IL17D: variants seen among roughly 807,000 people sequenced by gnomAD.
IL17D encodes the protein interleukin-17D.
In IL17D, 10 loss-of-function variants were observed where a neutral mutation model predicts 5.7. The ratio of observed to expected loss-of-function variants is 1.75; its 90% CI spans 1.08 to 2.97. The LOEUF is 2.97. Ranked by LOEUF, IL17D falls within the 30% of genes most tolerant of loss-of-function variation. IL17D has a pLI of 0.00. For synonymous variants in IL17D, 172 were observed against 141.7 expected (o/e 1.21, Z -1.52); for missense variants, 354 against 292.7 (o/e 1.21, Z -1.53).
chr13:20,703,568 G>C (rs2058561133), upstream of IL17D: 1 of 314,054 alleles, frequency 3.2e-6, no homozygotes, highest in Non-Finnish European at 4.6e-6. Context: ...CGGCGGGTCC[G>C]GGCGTCTTAG....
At chr13:20,711,749 G>A (rs1185308583) in intron 1 of IL17D, among the ~76,000 whole-genome samples, 1 of 152,212 alleles carries the variant, frequency 6.6e-6, no homozygotes, top group Non-Finnish European at 1.5e-5. Context: ...AGATGACATT[G>A]GGGAAGAGGG....
In IL17D at chr13:20,721,795, C is replaced by A. The variant is rs950320096; in HGVS notation, c.450C>A (p.Ala150=). ...TCCTGCGCCGCACCCCCGCCTGCGCCGGCGGCCGTTCCGTCTACACCGAGG... is the reference window on the plus strand; with the variant it reads ...TCCTGCGCCGCACCCCCGCCTGCGCAGGCGGCCGTTCCGTCTACACCGAGG... ...TVVLRRTPAC[A]GGRSVYTEAY... is the part of the protein sequence containing the mutation. Residue 150 remains alanine (A), a synonymous_variant, in exon 2 of 2, where the codon GCC becomes GCA. Transcript: ENST00000682841. 5 of 1,609,592 alleles carry A rather than the reference C, an allele frequency of 3.1e-6. No individual in the cohort carries two copies. The African/African-American group carries it at 4.0e-5, about 13-fold the overall frequency.
At position 20,704,137 on chromosome 13, in the gene IL17D, C is replaced by T; in HGVS notation, c.136C>T (p.Leu46=). Residue 46 remains leucine (L), a synonymous_variant, in exon 1 of 2, where the codon CTG becomes TTG. Transcript: ENST00000682841. ...EELLEQLYGR[L]AAGVLSAFHH... ...GCTACTGGAGCAGCTGTACGGGCGC[C>T]TGGCGGCCGGCGTGCTCAGTGCCTT... 1 of 1,337,756 alleles carries T rather than the reference C, an allele frequency of 7.5e-7. No individual in the cohort carries two copies. Among genetic ancestry groups the T allele is most frequent in the Non-Finnish European group, 9.7e-7 (1 of 1,034,428 alleles). The allele number at this position is 1,337,756 out of a possible 1,614,324, so 82.9% of individuals were successfully genotyped here. A position where few individuals can be genotyped will look rare whatever the true frequency, so the allele number is the denominator to read the frequency against.
At chr13:20,718,944 A>C (rs1595002678) in intron 1 of IL17D, among the ~76,000 whole-genome samples, 3 of 123,510 alleles carry the variant, frequency 2.4e-5, no homozygotes, top group Non-Finnish European at 3.4e-5. Context: ...CCACGCTCAC[A>C]CCTGCCTCCA....
rs201250178 is a variant in IL17D, at chr13:20,721,014, G to A, written c.291-622G>A. On this transcript the variant is annotated intron_variant, in intron 1 of 1. Transcript: ENST00000682841. Reference sequence around the variant, plus strand: ...TGCTCTAGTCCCTCAGACACAAACGGAAGAAGAGGATCCTATGCCTTCCTG... The same window carrying A: ...TGCTCTAGTCCCTCAGACACAAACGAAAGAAGAGGATCCTATGCCTTCCTG... Among the ~76,000 whole-genome samples the A allele has an allele frequency of 1.4e-4, 22 of 152,176 alleles. No individual in the cohort carries two copies. In the East Asian group the frequency reaches 3.9e-3, roughly 27 times the overall value.
intron 1 of IL17D, chr13:20,713,487 A>G (rs2058656526): frequency 6.6e-6 from 1 of 152,206 alleles, no homozygotes; most frequent in African/African-American, 2.4e-5. Flanking sequence ...TTCACAGGGT[A>G]AAAATAAAAG....
chr13:20,715,989 C>A (rs1419870500), intron 1 of IL17D: 1 of 395,830 alleles, frequency 2.5e-6, no homozygotes, highest in Non-Finnish European at 3.4e-6. Context: ...GCTCAAGAGG[C>A]CTCCCAAAGT....
chr13:20,720,326 TC>T (rs760227540), intron 1 of IL17D, among the ~76,000 whole-genome samples: 1 of 151,882 alleles, frequency 6.6e-6, no homozygotes, highest in South Asian at 2.1e-4. Flanking sequence ...CAGCCCATCT[TC>T]CCCCCAATAG....
At chr13:20,707,668 G>GCAC in intron 1 of IL17D, among the ~76,000 whole-genome samples, 1 of 152,146 alleles carries the variant, frequency 6.6e-6, no homozygotes, top group Non-Finnish European at 1.5e-5. Context: ...CCACAGGTGC[G>GCAC]CACCACCACA....
In IL17D at chr13:20,704,069, GGCGCCCCGCGCGGCCGCGGGGCTGC is replaced by G. The variant is rs1050119649; in HGVS notation, c.72_96del (p.Pro25ThrfsTer88). ...GCCGCGGGCGCCCCGAGGGCGGGCA[GGCGCCCCGCGCGGCCGCGGGGCTGC>G]GCGGACCGGCCGGAGGAGCTACTGG... is the stretch of plus-strand genomic sequence containing the variant. On this transcript the variant is annotated frameshift_variant, in exon 1 of 2. Transcript: ENST00000682841. LOFTEE classifies it high-confidence loss of function. The G allele has an allele frequency of 2.7e-6, 3 of 1,099,500 alleles. No homozygotes were observed. Among genetic ancestry groups the G allele is most frequent in the South Asian group, 4.1e-5 (1 of 24,108 alleles). 68.1% of individuals were successfully genotyped at this position (1,099,500 alleles called of 1,614,324 possible). A position where few individuals can be genotyped will look rare whatever the true frequency, so the allele number is the denominator to read the frequency against.
intron 1 of IL17D, among the ~76,000 whole-genome samples, chr13:20,706,321 C>T (rs967205215): frequency 2.0e-5 from 3 of 152,236 alleles, no homozygotes; most frequent in Non-Finnish European, 4.4e-5. Flanking sequence ...TGTTATGCTT[C>T]TGATATACCA....
Position 20,716,099 on chromosome 13 carries a change from T to G in IL17D, c.291-5537T>G. The G allele has an allele frequency of 2.0e-6, 2 of 985,332 alleles. No homozygotes were observed. The highest frequency in any genetic ancestry group is 2.4e-6 in the Non-Finnish European group (2 of 829,878). 61.0% of individuals were successfully genotyped at this position (985,332 alleles called of 1,614,324 possible). A position where few individuals can be genotyped will look rare whatever the true frequency, so the allele number is the denominator to read the frequency against. On this transcript the variant is annotated intron_variant, in intron 1 of 1. Transcript: ENST00000682841. The surrounding 1 kb of genome is among the most constrained non-coding windows in gnomAD (Gnocchi z 4.2). ...TGCCGGTGGTCTGAAAACCACATTT[T>G]GGAAATCTTGTTTATGCCGCCTTCT...
chr13:20,710,732 C>T (rs906654104), intron 1 of IL17D, among the ~76,000 whole-genome samples: 45 of 150,904 alleles, frequency 3.0e-4, no homozygotes, highest in African/African-American at 9.7e-4. Flanking sequence ...TTTTGGTAGT[C>T]GTCTAAAGAT....
intron 1 of IL17D, among the ~76,000 whole-genome samples, chr13:20,710,628 T>TAAAAAAAAAAAAAAAAAAAAAAAAAA (rs11445353): frequency 1.8e-5 from 1 of 55,266 alleles, no homozygotes; most frequent in Non-Finnish European, 3.0e-5. Context: ...AAACTCTGTC[T>TAAAAAAAAAAAAAAAAAAAAAAAAAA]AAAAAAAAAA....
intron 1 of IL17D, among the ~76,000 whole-genome samples, chr13:20,718,023 GACGAGA>G (rs944100740): frequency 1.5e-4 from 23 of 152,124 alleles, no homozygotes; most frequent in African/African-American, 5.6e-4. Flanking sequence ...AGTCCCAGGT[GACGAGA>G]ACTCAGAGGG....
At chr13:20,709,366 C>T (rs1434675876) in intron 1 of IL17D, among the ~76,000 whole-genome samples, 1 of 152,166 alleles carries the variant, frequency 6.6e-6, no homozygotes, top group Non-Finnish European at 1.5e-5. Context: ...TATGTGTTCA[C>T]TGCTGCAATG....
chr13:20,718,901 CCCG>C (rs1850467844), intron 1 of IL17D, among the ~76,000 whole-genome samples: 1 of 146,218 alleles, frequency 6.8e-6, no homozygotes, highest in South Asian at 2.3e-4. Context: ...TGCTCACACA[CCCG>C]CCCATGCTCA....
At chr13:20,710,069 G>T (rs754089432) in intron 1 of IL17D, among the ~76,000 whole-genome samples, 4 of 152,150 alleles carry the variant, frequency 2.6e-5, no homozygotes, top group Non-Finnish European at 4.4e-5. Flanking sequence ...CTCTGGTTCC[G>T]TCTAGCCCAA....
upstream of IL17D, chr13:20,702,601 T>C (rs1167149440): frequency 1.3e-5 from 2 of 152,244 alleles, no homozygotes; most frequent in Non-Finnish European, 2.9e-5. Context: ...AAGTATATAA[T>C]ATAGTTCGTT....
Sources: allele counts gnomAD v4.1 joint callset (sites outside exome capture counted in the v4.1 genomes callset), GRCh38; gene constraint gnomAD v4.1.1; non-coding constraint Gnocchi (gnomAD v3.1); transcripts MANE v1.5; gene names NCBI Gene and HGNC (gene_info 2026-07-23, HGNC 2026-07-21).